The following IQCJ variants were observed in gnomAD, a reference collection of about 807,000 sequenced individuals.
IQCJ encodes the protein IQ motif containing J, also known as IQ domain-containing protein J.
Under a neutral mutation model 11.0 loss-of-function variants are expected in IQCJ, and 9 were observed. That is an observed-to-expected ratio of 0.82 (90% CI 0.49 to 1.43). The LOEUF (loss-of-function observed/expected upper bound fraction) is 1.43. IQCJ is among the 40% of genes most tolerant of loss of function. The probability of loss-of-function intolerance (pLI) is 0.00; values close to 1 mark genes in which losing one functional copy is unlikely to be tolerated. For synonymous variants in IQCJ, 55 were observed against 51.3 expected, an observed-to-expected ratio of 1.07 and a Z score of -0.31; for missense variants, 146 against 133.2, an observed-to-expected ratio of 1.10 and a Z score of -0.47.
chr3:159,159,607 T>C (rs1382088792), intron 1 of IQCJ, among the ~76,000 whole-genome samples: 1 of 152,220 alleles, frequency 6.6e-6, no homozygotes, highest in Non-Finnish European at 1.5e-5. Context: ...CCATGTAATT[T>C]ATTTTCTGTC....
chr3:159,079,080 A>G (rs1418762963), intron 1 of IQCJ, among the ~76,000 whole-genome samples: 1 of 152,092 alleles, frequency 6.6e-6, no homozygotes, highest in Non-Finnish European at 1.5e-5. Context: ...TGCATTCCAG[A>G]GTGGGTGCCA....
chr3:159,125,905 A>G (rs142094866), intron 1 of IQCJ, among the ~76,000 whole-genome samples: 27 of 152,274 alleles, frequency 1.8e-4, no homozygotes, highest in African/African-American at 5.3e-4. Flanking sequence ...ACCAGGTTGG[A>G]GAAGGTTGTA....
chr3:159,237,101 A>G (rs1261378701), intron 1 of IQCJ, among the ~76,000 whole-genome samples: 1 of 152,186 alleles, frequency 6.6e-6, no homozygotes, highest in South Asian at 2.1e-4. Context: ...ATGCTCTGGG[A>G]TATGTTGGGA....
chr3:159,210,562 T>C (rs1282286172), intron 1 of IQCJ, among the ~76,000 whole-genome samples: 1 of 152,206 alleles, frequency 6.6e-6, no homozygotes, highest in African/African-American at 2.4e-5. Context: ...GTGTGAATAA[T>C]AGAGTCATAA....
At chr3:159,113,997 G>A (rs1718794212) in intron 1 of IQCJ, among the ~76,000 whole-genome samples, 1 of 152,138 alleles carries the variant, frequency 6.6e-6, no homozygotes, top group South Asian at 2.1e-4. Context: ...TCTGTACTTG[G>A]CTGCCAAGGG....
intron 2 of IQCJ, among the ~76,000 whole-genome samples, chr3:159,251,523 G>A (rs1325054966): frequency 1.3e-5 from 2 of 151,764 alleles, no homozygotes; most frequent in East Asian, 3.9e-4. Flanking sequence ...AATTTGGTGG[G>A]TCACCACTGA....
intron 1 of IQCJ, among the ~76,000 whole-genome samples, chr3:159,128,899 A>G (rs1409398932): frequency 3.3e-5 from 5 of 152,098 alleles, no homozygotes. Context: ...TTCAGAACTC[A>G]TATGCCCTTT....
intron 1 of IQCJ, among the ~76,000 whole-genome samples, chr3:159,170,375 C>G (rs1722422579): frequency 6.6e-6 from 1 of 152,162 alleles, no homozygotes. Flanking sequence ...CACCCCCCAA[C>G]TGCTTCTCCT....
intron 1 of IQCJ, among the ~76,000 whole-genome samples, chr3:159,202,450 A>G (rs1392223011): frequency 2.0e-5 from 3 of 152,138 alleles, no homozygotes; most frequent in Non-Finnish European, 4.4e-5. Context: ...ATTTCCATCC[A>G]TTTGTCTCAG....
intron 1 of IQCJ, among the ~76,000 whole-genome samples, chr3:159,072,333 G>T (rs1204208217): frequency 6.6e-6 from 1 of 151,968 alleles, no homozygotes; most frequent in Non-Finnish European, 1.5e-5. Context: ...GGGGGAGGAG[G>T]TTATTAGCAA....
At chr3:159,093,759 A>G (rs937153896) in intron 1 of IQCJ, among the ~76,000 whole-genome samples, 3 of 151,884 alleles carry the variant, frequency 2.0e-5, no homozygotes, top group East Asian at 3.8e-4. Flanking sequence ...GGAAGCAAAC[A>G]CATCCTTCTT....
At chr3:159,217,725 T>G (rs777039002) in intron 1 of IQCJ, among the ~76,000 whole-genome samples, 1 of 152,060 alleles carries the variant, frequency 6.6e-6, no homozygotes, top group Non-Finnish European at 1.5e-5. Context: ...AAATCCCTCC[T>G]CCCCAGTTTC....
intron 1 of IQCJ, among the ~76,000 whole-genome samples, chr3:159,083,815 T>C (rs183953008): frequency 6.6e-6 from 1 of 152,164 alleles, no homozygotes; most frequent in African/African-American, 2.4e-5. Flanking sequence ...ATCAAAAAAT[T>C]ATATATTGTA....
downstream of IQCJ, chr3:159,265,454 C>T: frequency 7.1e-7 from 1 of 1,401,576 alleles, no homozygotes; most frequent in Non-Finnish European, 9.8e-7. Flanking sequence ...CCTACACTGA[C>T]TAAGCCTGTC....
intron 1 of IQCJ, among the ~76,000 whole-genome samples, chr3:159,158,341 C>G (rs1043758683): frequency 6.6e-6 from 1 of 152,168 alleles, no homozygotes; most frequent in African/African-American, 2.4e-5. Flanking sequence ...CAGAACAATA[C>G]GTCCTTGAGA....
chr3:159,220,788 C>T (rs1284830068), intron 1 of IQCJ, among the ~76,000 whole-genome samples: 1 of 152,122 alleles, frequency 6.6e-6, no homozygotes, highest in Non-Finnish European at 1.5e-5. Context: ...GGGAGCTGCA[C>T]AGCCTAGCCA....
chr3:159,265,826 AT>A (rs1447195423), downstream of IQCJ: 1 of 157,212 alleles, frequency 6.4e-6, no homozygotes, highest in Non-Finnish European at 1.4e-5. Context: ...AACTGCAATT[AT>A]TGCCTATCTC....
At chr3:159,179,790 G>A (rs1419362813) in intron 1 of IQCJ, among the ~76,000 whole-genome samples, 2 of 152,174 alleles carry the variant, frequency 1.3e-5, no homozygotes, top group East Asian at 1.9e-4. Flanking sequence ...AGTTTTGAAT[G>A]AGAGACTGAG....
At chr3:159,153,803 A>T (rs1721360635) in intron 1 of IQCJ, among the ~76,000 whole-genome samples, 1 of 152,208 alleles carries the variant, frequency 6.6e-6, no homozygotes, top group Non-Finnish European at 1.5e-5. Flanking sequence ...TATGGGGCTG[A>T]GTATACCTGT....
Sources: allele counts gnomAD v4.1 joint callset (sites outside exome capture counted in the v4.1 genomes callset), GRCh38; gene constraint gnomAD v4.1.1; transcripts MANE v1.5; gene names NCBI Gene and HGNC (gene_info 2026-07-23, HGNC 2026-07-21).